The following URI1 variants were observed in gnomAD, a reference collection of about 807,000 sequenced individuals.
URI1 encodes the protein unconventional prefoldin RPB5 interactor 1.
URI1 carries 39 observed loss-of-function variants against 60.2 expected under a neutral mutation model. The ratio of observed to expected loss-of-function variants is 0.65; its 90% CI spans 0.50 to 0.85. The LOEUF is 0.85. Among genes scored for constraint, URI1 ranks in the 40% least tolerant of loss-of-function variants. The probability of loss-of-function intolerance (pLI) is 0.00; values close to 1 mark genes in which losing one functional copy is unlikely to be tolerated. For missense variants in URI1, 691 were observed against 665.9 expected, an observed-to-expected ratio of 1.04 and a Z score of -0.42; for synonymous variants, 251 against 236.8, an observed-to-expected ratio of 1.06 and a Z score of -0.55.
intron 2 of URI1, 103 bp from the exon 3 acceptor site, chr19:29,985,120 A>T: frequency 2.0e-3 from 4 of 1,996 alleles, no homozygotes; most frequent in Non-Finnish European, 5.9e-3. Flanking sequence ...ACTCTGTCTC[A>T]AAAAAAAAAA....
intron 7 of URI1, among the ~76,000 whole-genome samples, chr19:30,008,520 A>G (rs1258161408): frequency 6.6e-6 from 1 of 152,124 alleles, no homozygotes; most frequent in East Asian, 1.9e-4. Flanking sequence ...AGAATCAAGT[A>G]TGATAAATGT....
chr19:29,967,780 T>G (rs920952934), intron 1 of URI1, among the ~76,000 whole-genome samples: 3 of 152,208 alleles, frequency 2.0e-5, no homozygotes, highest in African/African-American at 7.2e-5. Flanking sequence ...TAGAAAGACT[T>G]GGTTTTAAAA....
rs139068053 is a variant in URI1, at chr19:29,971,085, A to G, written c.118-108A>G. ...TTGACAAATAAAAATGTATACTGAG[A>G]TGCTATTAAATCTGTAAAGCCAATG... On this transcript the variant is annotated intron_variant, in intron 1 of 10. Coordinates refer to ENST00000392271, the MANE Select transcript of URI1 (RefSeq NM_003796.3). The G allele has an allele frequency of 2.9e-4, 291 of 1,006,490 alleles. 2 individuals carry two copies. The East Asian group carries it at 6.3e-3, about 22-fold the overall frequency. The allele number at this position is 1,006,490 out of a possible 1,614,324, so 62.3% of individuals were successfully genotyped here.
At chr19:29,999,605 T>A (rs2055853109) in intron 4 of URI1, among the ~76,000 whole-genome samples, 1 of 152,104 alleles carries the variant, frequency 6.6e-6, no homozygotes, top group Non-Finnish European at 1.5e-5. Context: ...TTCAAGATTC[T>A]CTCTTTGTTG....
chr19:29,983,984 C>T (rs1188465250), intron 2 of URI1, among the ~76,000 whole-genome samples: 1 of 152,134 alleles, frequency 6.6e-6, no homozygotes, highest in Non-Finnish European at 1.5e-5. Context: ...TCTCTCTTAC[C>T]TTAATCACAT....
chr19:29,988,530 T>C (rs1170118579), intron 4 of URI1, among the ~76,000 whole-genome samples: 1 of 152,188 alleles, frequency 6.6e-6, no homozygotes, highest in African/African-American at 2.4e-5. Flanking sequence ...GATTGACGAC[T>C]TCACGTCTGT....
Position 29,986,455 on chromosome 19 carries a change from A to C in URI1, c.367+38A>C, listed in dbSNP as rs914448155. On this transcript the variant is annotated intron_variant, in intron 4 of 10. Transcript: ENST00000392271. ...TTTAAATGATGTTTCTTTGTTGTATATGTATCCATTCACAGATTGCCAAGC... is the reference window on the plus strand; with the variant it reads ...TTTAAATGATGTTTCTTTGTTGTATCTGTATCCATTCACAGATTGCCAAGC... 1.9e-6 allele frequency: 3 copies of C among 1,587,866 alleles called. No individual in the cohort carries two copies. In the African/African-American group the frequency reaches 4.1e-5, roughly 22 times the overall value.
At chr19:29,996,479 TTGTG>T (rs140817981) in intron 4 of URI1, among the ~76,000 whole-genome samples, 2 of 150,424 alleles carry the variant, frequency 1.3e-5, no homozygotes, top group Non-Finnish European at 3.0e-5. Flanking sequence ...CAAGGGTGTT[TTGTG>T]TGTGTGTGTG....
chr19:30,003,080 G>C lies in URI1; in HGVS notation c.368-2281G>C, dbSNP rs987706326. The stretch of plus-strand genomic sequence containing the variant: ...ATGGTTTCTAATGTTAAATCTCAGA[G>C]TTATAGAAAGAAATGGAATTAAATT... On this transcript the variant is annotated intron_variant, in intron 4 of 10. Transcript: ENST00000392271. Among the ~76,000 whole-genome samples, 3 of 151,944 alleles carry C rather than the reference G, an allele frequency of 2.0e-5. No individual in the cohort carries two copies. In the East Asian group the frequency reaches 5.8e-4, roughly 29 times the overall value.
chr19:30,014,776 A>G, intron 10 of URI1, 111 bp from the exon 11 acceptor site: 1 of 1,119,482 alleles, frequency 8.9e-7, no homozygotes, highest in African/African-American at 1.6e-5. Context: ...GTCTAGCCAA[A>G]AATCTCGTGA....
At chr19:29,952,663 G>C (rs147356816) in intron 1 of URI1, among the ~76,000 whole-genome samples, 64 of 151,932 alleles carry the variant, frequency 4.2e-4, no homozygotes, top group African/African-American at 1.5e-3. Flanking sequence ...AGGAAATAGA[G>C]TTTAGAGATC....
chr19:29,956,828 C>T, intron 1 of URI1: 1 of 1,589,906 alleles, frequency 6.3e-7, no homozygotes, highest in Admixed American at 1.7e-5. Context: ...AACCCGGAGC[C>T]TCTTTTTTTT....
intron 2 of URI1, among the ~76,000 whole-genome samples, chr19:29,978,591 T>C (rs2055554243): frequency 6.6e-6 from 1 of 152,154 alleles, no homozygotes; most frequent in Non-Finnish European, 1.5e-5. Context: ...CCACAGTGCT[T>C]GTCTGAGAAG....
At position 30,016,429 on chromosome 19, in the gene URI1, C is replaced by T. The variant is rs912744987; in HGVS notation, c.*1360C>T. On this transcript the variant is annotated 3_prime_UTR_variant, in exon 11 of 11. Coordinates refer to ENST00000392271, the MANE Select transcript of URI1 (RefSeq NM_003796.3). Reference sequence around the variant, plus strand: ...ATCTTTCAGTCCATGCCCCAACCCTCACCAAAACCAAAGCAGAAATTACAC... The same window carrying T: ...ATCTTTCAGTCCATGCCCCAACCCTTACCAAAACCAAAGCAGAAATTACAC... 2 of 152,124 alleles carry T rather than the reference C, an allele frequency of 1.3e-5. No homozygotes were observed. The highest frequency in any genetic ancestry group is 1.5e-5 in the Non-Finnish European group (1 of 67,966). 9.4% of individuals were successfully genotyped at this position (152,124 alleles called of 1,614,324 possible).
intron 1 of URI1, among the ~76,000 whole-genome samples, chr19:29,933,390 T>C (rs334988): frequency 0.94 from 143,680 of 152,288 alleles, 67,840 homozygotes; most frequent in East Asian, 1. Context: ...TAAGGTTTTC[T>C]GATTTTTTGG....
intron 1 of URI1, among the ~76,000 whole-genome samples, chr19:29,948,480 A>G (rs1373720098): frequency 6.6e-6 from 1 of 152,160 alleles, no homozygotes; most frequent in East Asian, 1.9e-4. Flanking sequence ...TGATTTAATT[A>G]TGGTAATTTA....
chr19:29,930,244 T>C (rs1240379814), intron 1 of URI1, among the ~76,000 whole-genome samples: 1 of 152,164 alleles, frequency 6.6e-6, no homozygotes, highest in Non-Finnish European at 1.5e-5. Context: ...CGGTTGATAG[T>C]GTCCTTTGAT....
chr19:29,993,338 T>C (rs185120054), intron 4 of URI1, among the ~76,000 whole-genome samples: 4 of 152,272 alleles, frequency 2.6e-5, no homozygotes, highest in African/African-American at 9.6e-5. Flanking sequence ...AGTAAGTTTG[T>C]AGATCACTGC....
intron 4 of URI1, among the ~76,000 whole-genome samples, chr19:29,994,007 G>A (rs568839935): frequency 3.3e-5 from 5 of 151,662 alleles, no homozygotes; most frequent in Admixed American, 1.3e-4. Flanking sequence ...CCTTTAGATC[G>A]TCTTCCTTTT....
Sources: gnomAD v4.1 joint callset for allele counts (sites outside exome capture counted in the v4.1 genomes callset) on GRCh38, gnomAD v4.1.1 for gene constraint, MANE v1.5 for transcripts, NCBI Gene and HGNC (gene_info 2026-07-23, HGNC 2026-07-21) for gene names.